Variants in ITGBL1 observed in about 807,000 individuals in gnomAD.
The protein encoded by ITGBL1 is integrin beta-like protein 1.
A neutral mutation model predicts 68.5 loss-of-function variants in ITGBL1; 51 were observed. That is an observed-to-expected ratio of 0.74 (90% CI 0.59 to 0.94). The LOEUF (loss-of-function observed/expected upper bound fraction) is 0.94. Ranked by LOEUF, ITGBL1 falls within the 40% of genes least tolerant of loss-of-function variation. The pLI, the probability that ITGBL1 is intolerant of heterozygous loss-of-function variation, is 0.00. For synonymous variants in ITGBL1, 209 were observed against 227.3 expected, an observed-to-expected ratio of 0.92 and a Z score of 0.72; for missense variants, 649 against 647.4, an observed-to-expected ratio of 1.00 and a Z score of -0.03.
chr13:101,541,103 T>G (rs2049689983), intron 2 of ITGBL1, among the ~76,000 whole-genome samples: 1 of 145,396 alleles, frequency 6.9e-6, no homozygotes, highest in East Asian at 2.0e-4. Flanking sequence ...TGTATAGGAG[T>G]GGTGAGAGAG....
intron 6 of ITGBL1, among the ~76,000 whole-genome samples, chr13:101,589,995 A>C (rs2050623776): frequency 6.6e-6 from 1 of 152,196 alleles, no homozygotes; most frequent in African/African-American, 2.4e-5. Context: ...TAGGGGAAAA[A>C]GGTTGAGAGA....
intron 7 of ITGBL1, among the ~76,000 whole-genome samples, chr13:101,614,208 CAA>C (rs1283199358): frequency 3.3e-5 from 5 of 152,172 alleles, no homozygotes; most frequent in African/African-American, 1.2e-4. Context: ...ATAGAATTGT[CAA>C]AGAGTCCAGA....
chr13:101,602,501 C>T (rs1164756618), intron 7 of ITGBL1, among the ~76,000 whole-genome samples: 1 of 151,882 alleles, frequency 6.6e-6, no homozygotes, highest in African/African-American at 2.4e-5. Context: ...AGAAAGGAAA[C>T]AAAGACTTTC....
chr13:101,545,808 G>C (rs2049811713), intron 2 of ITGBL1, among the ~76,000 whole-genome samples: 1 of 152,200 alleles, frequency 6.6e-6, no homozygotes, highest in Admixed American at 6.5e-5. Flanking sequence ...AGAAGGCAGA[G>C]CAAAGCAGCA....
At chr13:101,708,026 AAC>A (rs3062945) in intron 9 of ITGBL1, among the ~76,000 whole-genome samples, 24,721 of 144,056 alleles carry the variant, frequency 0.17, 2,214 homozygotes, top group African/African-American at 0.25. Flanking sequence ...CACACATGCA[AAC>A]ACACACACAC....
At chr13:101,651,966 A>G (rs1473195359) in intron 7 of ITGBL1, among the ~76,000 whole-genome samples, 1 of 152,180 alleles carries the variant, frequency 6.6e-6, no homozygotes, top group African/African-American at 2.4e-5. Flanking sequence ...GGTTTGTTGA[A>G]GATCAGATGG....
At chr13:101,482,622 C>T (rs2139042227) in intron 2 of ITGBL1, among the ~76,000 whole-genome samples, 1 of 152,028 alleles carries the variant, frequency 6.6e-6, no homozygotes, top group African/African-American at 2.4e-5. Context: ...TAATAATTTC[C>T]TCATATACTT....
At chr13:101,531,613 G>C (rs889393332) in intron 2 of ITGBL1, among the ~76,000 whole-genome samples, 1 of 138,604 alleles carries the variant, frequency 7.2e-6, no homozygotes, top group Non-Finnish European at 1.6e-5. Flanking sequence ...ATTTTTTGGG[G>C]GGAGGGGATT....
intron 2 of ITGBL1, among the ~76,000 whole-genome samples, chr13:101,501,130 G>C (rs1454241108): frequency 2.0e-5 from 3 of 152,192 alleles, no homozygotes; most frequent in Admixed American, 2.0e-4. Flanking sequence ...TTTGGCTCCT[G>C]CTATTTGGCT....
Position 101,611,348 on chromosome 13 carries a change from C to A in ITGBL1, c.1015+13049C>A, listed in dbSNP as rs569534142. Among the ~76,000 whole-genome samples the A allele has an allele frequency of 3.3e-5, 5 of 152,286 alleles. No homozygotes were observed. The East Asian group carries it at 7.7e-4, about 23-fold the overall frequency. ...ATGAACAAGACAAATACTTTAACAT[C>A]CTTTCATGTGCCCTTCTGCACCTCG... On this transcript the variant is annotated intron_variant, in intron 7 of 10. Transcript: ENST00000376180.
intron 2 of ITGBL1, among the ~76,000 whole-genome samples, chr13:101,508,297 C>G (rs2049057793): frequency 1.3e-5 from 2 of 152,126 alleles, no homozygotes; most frequent in South Asian, 4.1e-4. Flanking sequence ...ATCAATTCAC[C>G]AAAAGTTGTA....
intron 7 of ITGBL1, among the ~76,000 whole-genome samples, chr13:101,643,651 G>A (rs1271321508): frequency 6.6e-6 from 1 of 152,106 alleles, no homozygotes; most frequent in Non-Finnish European, 1.5e-5. Context: ...TTAGTCACCA[G>A]TGAGAATGAG....
At chr13:101,528,518 GTTC>G (rs1463922453) in intron 2 of ITGBL1, among the ~76,000 whole-genome samples, 1 of 151,382 alleles carries the variant, frequency 6.6e-6, no homozygotes, top group African/African-American at 2.4e-5. Context: ...GCCATGTTGT[GTTC>G]TTCTTTTCCT....
At chr13:101,629,761 G>A (rs920162974) in intron 7 of ITGBL1, among the ~76,000 whole-genome samples, 4 of 152,080 alleles carry the variant, frequency 2.6e-5, no homozygotes, top group African/African-American at 9.7e-5. Flanking sequence ...TATAGGAATT[G>A]ATTAACGTAA....
intron 2 of ITGBL1, among the ~76,000 whole-genome samples, chr13:101,523,130 A>G (rs1220489062): frequency 6.6e-6 from 1 of 152,200 alleles, no homozygotes; most frequent in African/African-American, 2.4e-5. Context: ...TATGAAACAA[A>G]TGTTATTTGT....
intron 3 of ITGBL1, among the ~76,000 whole-genome samples, chr13:101,574,213 A>G (rs2050317860): frequency 6.6e-6 from 1 of 152,058 alleles, no homozygotes; most frequent in Admixed American, 6.5e-5. Context: ...CATGAACTGC[A>G]CCTCAGGTTG....
At chr13:101,465,862 C>T (rs149759492) in intron 2 of ITGBL1, among the ~76,000 whole-genome samples, 32 of 152,210 alleles carry the variant, frequency 2.1e-4, no homozygotes, top group African/African-American at 7.0e-4. Flanking sequence ...ACCATTATGG[C>T]TATGGAATAA....
chr13:101,588,695 A>T (rs78508276), intron 6 of ITGBL1, among the ~76,000 whole-genome samples: 1,430 of 28,670 alleles, frequency 0.05, 23 homozygotes, highest in African/African-American at 0.14. Flanking sequence ...TTGTCTATTA[A>T]AAAAAAAAAA....
At chr13:101,481,179 T>TA (rs2048618642) in intron 2 of ITGBL1, among the ~76,000 whole-genome samples, 1 of 139,724 alleles carries the variant, frequency 7.2e-6, no homozygotes, top group East Asian at 2.6e-4. Flanking sequence ...AGCATATATA[T>TA]ACATATGAGA....
Sources: gnomAD v4.1 joint callset for allele counts (sites outside exome capture counted in the v4.1 genomes callset) on GRCh38, gnomAD v4.1.1 for gene constraint, MANE v1.5 for transcripts, NCBI Gene and HGNC (gene_info 2026-07-23, HGNC 2026-07-21) for gene names.